The following TMEM132C variants were observed in gnomAD, a reference collection of about 807,000 sequenced individuals.
TMEM132C encodes transmembrane protein 132C.
TMEM132C carries 29 observed loss-of-function variants against 61.4 expected under a neutral mutation model. The observed-to-expected ratio is 0.47, with a 90% CI of 0.35 to 0.64. TMEM132C has a LOEUF of 0.64. Ranked by LOEUF, TMEM132C falls within the 30% of genes least tolerant of loss-of-function variation. TMEM132C has a pLI of 0.00. For missense variants in TMEM132C, 1,408 were observed against 1,476.9 expected (o/e 0.95, Z 0.76); for synonymous variants, 656 against 633.1 (o/e 1.04, Z -0.54).
chr12:128,490,511 G>A (rs1871680147), intron 2 of TMEM132C, among the ~76,000 whole-genome samples: 1 of 152,180 alleles, frequency 6.6e-6, no homozygotes, highest in African/African-American at 2.4e-5. Flanking sequence ...AGGGGCAGGA[G>A]ACTGCTGGAG....
chr12:128,446,714 T>A (rs547573135), intron 2 of TMEM132C, among the ~76,000 whole-genome samples: 75 of 152,310 alleles, frequency 4.9e-4, no homozygotes, highest in African/African-American at 1.5e-3. Context: ...TGGGACCCCA[T>A]GCTTCAGAAG....
chr12:128,591,467 T>G (rs556484794), intron 3 of TMEM132C, among the ~76,000 whole-genome samples: 66 of 152,310 alleles, frequency 4.3e-4, no homozygotes, highest in Non-Finnish European at 7.5e-4. Context: ...AGCGTGTGGA[T>G]AGACCACATT....
chr12:128,532,401 G>A (rs1468548645), intron 2 of TMEM132C, among the ~76,000 whole-genome samples: 1 of 151,846 alleles, frequency 6.6e-6, no homozygotes, highest in African/African-American at 2.4e-5. Flanking sequence ...CATTTTGGGA[G>A]GCCAAAGCGG....
At chr12:128,461,054 A>G (rs1340454246) in intron 2 of TMEM132C, among the ~76,000 whole-genome samples, 4 of 152,200 alleles carry the variant, frequency 2.6e-5, no homozygotes, top group Admixed American at 6.5e-5. Flanking sequence ...TTTGCAAAAA[A>G]AGAAAAAAAT....
At position 128,458,732 on chromosome 12, in the gene TMEM132C, C is replaced by T. The variant is rs184868558; in HGVS notation, c.974+43112C>T. ...TCCATGGTGTACATATTCCCACCAT[C>T]GCCAGTTTCAAGCTACCAACATGAG... On this transcript the variant is annotated intron_variant, in intron 2 of 8. Coordinates refer to ENST00000435159, the MANE Select transcript of TMEM132C (RefSeq NM_001136103.3). Among the ~76,000 whole-genome samples, 438 of 152,262 alleles carry T rather than the reference C, an allele frequency of 2.9e-3. 2 individuals carry two copies. Among genetic ancestry groups the T allele is most frequent in the Non-Finnish European group, 3.7e-3 (255 of 68,014 alleles).
intron 2 of TMEM132C, among the ~76,000 whole-genome samples, chr12:128,470,335 C>T (rs1181179086): frequency 6.6e-6 from 1 of 152,210 alleles, no homozygotes. Context: ...TCTGAATTTC[C>T]TGTTATTCCT....
At chr12:128,566,478 G>A (rs1201261428) in intron 3 of TMEM132C, among the ~76,000 whole-genome samples, 4 of 152,206 alleles carry the variant, frequency 2.6e-5, no homozygotes. Context: ...ACCTGAAAAT[G>A]TGAAACATTG....
intron 2 of TMEM132C, among the ~76,000 whole-genome samples, chr12:128,446,337 C>G (rs1257140069): frequency 6.6e-6 from 1 of 152,174 alleles, no homozygotes; most frequent in Non-Finnish European, 1.5e-5. Context: ...GTGCACCAGC[C>G]TTTTGGTGGC....
At chr12:128,655,364 G>A (rs536886174) in intron 4 of TMEM132C, among the ~76,000 whole-genome samples, 1 of 152,192 alleles carries the variant, frequency 6.6e-6, no homozygotes, top group African/African-American at 2.4e-5. Flanking sequence ...GTTTGTGTGC[G>A]TGTGTGTAAT....
At chr12:128,680,862 G>C (rs10847668) in intron 5 of TMEM132C, among the ~76,000 whole-genome samples, 3,432 of 152,270 alleles carry the variant, frequency 0.023, 93 homozygotes, top group South Asian at 0.12. Context: ...GCCAAATAGG[G>C]CTCCATGTGA....
chr12:128,398,036 A>T (rs1210004175), intron 1 of TMEM132C, among the ~76,000 whole-genome samples: 2 of 152,142 alleles, frequency 1.3e-5, no homozygotes, highest in Non-Finnish European at 2.9e-5. Flanking sequence ...TAAGACCGAG[A>T]TGGATGTCTT....
At chr12:128,578,834 G>C (rs1025431391) in intron 3 of TMEM132C, among the ~76,000 whole-genome samples, 2 of 152,286 alleles carry the variant, frequency 1.3e-5, no homozygotes, top group Non-Finnish European at 1.5e-5. Context: ...CTGACTTCAA[G>C]TGATCTGCCC....
intron 1 of TMEM132C, among the ~76,000 whole-genome samples, chr12:128,310,262 G>A (rs1419109875): frequency 6.6e-6 from 1 of 152,192 alleles, no homozygotes; most frequent in Non-Finnish European, 1.5e-5. Context: ...AAAGGATGAA[G>A]CTAGAGAGTG....
chr12:128,350,763 C>G (rs1873313273), intron 1 of TMEM132C, among the ~76,000 whole-genome samples: 1 of 152,030 alleles, frequency 6.6e-6, no homozygotes, highest in Admixed American at 6.5e-5. Flanking sequence ...GCTCGACCAC[C>G]CAGAATAACG....
At chr12:128,695,089 T>C (rs1351779412) in intron 6 of TMEM132C, among the ~76,000 whole-genome samples, 2 of 152,238 alleles carry the variant, frequency 1.3e-5, no homozygotes, top group Non-Finnish European at 2.9e-5. Flanking sequence ...CTCTGTCCAA[T>C]AGGACTTTCT....
At chr12:128,588,679 G>T (rs890704266) in intron 3 of TMEM132C, among the ~76,000 whole-genome samples, 1 of 152,080 alleles carries the variant, frequency 6.6e-6, no homozygotes, top group Non-Finnish European at 1.5e-5. Flanking sequence ...TCAGGGATGC[G>T]ATTCACGCCT....
At chr12:128,639,393 AATG>A (rs940548095) in intron 4 of TMEM132C, among the ~76,000 whole-genome samples, 1 of 117,674 alleles carries the variant, frequency 8.5e-6, no homozygotes, top group African/African-American at 4.1e-5. Flanking sequence ...TAAAGATGAC[AATG>A]ATGATGGTGA....
chr12:128,593,172 C>G (rs1875818822), intron 3 of TMEM132C, among the ~76,000 whole-genome samples: 1 of 150,610 alleles, frequency 6.6e-6, no homozygotes, highest in African/African-American at 2.5e-5. Context: ...CCCTCTCTTT[C>G]TCTCTCTTCC....
At chr12:128,344,727 G>A (rs960908548) in intron 1 of TMEM132C, among the ~76,000 whole-genome samples, 1 of 152,066 alleles carries the variant, frequency 6.6e-6, no homozygotes, top group African/African-American at 2.4e-5. Flanking sequence ...TAATGATGCT[G>A]AGCATCTTTT....
Sources: allele counts gnomAD v4.1 joint callset (sites outside exome capture counted in the v4.1 genomes callset), GRCh38; gene constraint gnomAD v4.1.1; transcripts MANE v1.5; gene names NCBI Gene and HGNC (gene_info 2026-07-23, HGNC 2026-07-21).